The following MARCHF1 variants were observed in gnomAD, a reference collection of about 807,000 sequenced individuals.
MARCHF1 encodes the protein E3 ubiquitin-protein ligase MARCHF1.
A neutral mutation model predicts 54.2 loss-of-function variants in MARCHF1; 40 were observed. That is an observed-to-expected ratio of 0.74 (90% CI 0.57 to 0.96). MARCHF1 has a LOEUF of 0.96. Ranked by LOEUF, MARCHF1 falls within the 40% of genes least tolerant of loss-of-function variation. The pLI is 0.00. For missense variants in MARCHF1, 586 were observed against 656.5 expected (o/e 0.89, Z 1.17); for synonymous variants, 236 against 236.3 (o/e 1.00, Z 0.01).
chr4:163,815,575 C>T (rs1748510930), intron 4 of MARCHF1, among the ~76,000 whole-genome samples: 1 of 152,086 alleles, frequency 6.6e-6, no homozygotes, highest in African/African-American at 2.4e-5. Context: ...AGGATTCCAA[C>T]CCTGATATAC....
chr4:164,331,681 G>A (rs1735437483), intron 1 of MARCHF1, among the ~76,000 whole-genome samples: 1 of 152,068 alleles, frequency 6.6e-6, no homozygotes, highest in South Asian at 2.1e-4. Context: ...ATAGTAGAGT[G>A]TATGTGTATA....
At chr4:164,184,167 G>T (rs1730905611) in intron 1 of MARCHF1, among the ~76,000 whole-genome samples, 1 of 152,134 alleles carries the variant, frequency 6.6e-6, no homozygotes, top group African/African-American at 2.4e-5. Context: ...AAAGTGTAAA[G>T]CTGGTTTGCT....
intron 1 of MARCHF1, among the ~76,000 whole-genome samples, chr4:164,278,180 T>C (rs1421028486): frequency 6.6e-6 from 1 of 152,096 alleles, no homozygotes; most frequent in Admixed American, 6.6e-5. Flanking sequence ...TTTGGTGGCA[T>C]GTGCCTGTAG....
chr4:164,182,074 A>G (rs942816460), intron 1 of MARCHF1, among the ~76,000 whole-genome samples: 1 of 152,112 alleles, frequency 6.6e-6, no homozygotes, highest in African/African-American at 2.4e-5. Flanking sequence ...ACATAAACTA[A>G]TGAATGAAAT....
In MARCHF1 at chr4:163,528,110, C is replaced by G. The variant is rs1366316058; in HGVS notation, c.*638G>C. On this transcript the variant is annotated 3_prime_UTR_variant, in exon 10 of 10. Coordinates refer to ENST00000514618, the MANE Select transcript of MARCHF1 (RefSeq NM_001394959.1). ...CATTTTCTGAAAATCTTTTGCGTGA[C>G]TTAAACAAACGTAATTAATTCCAAA... 1 of 152,434 alleles carries G rather than the reference C, an allele frequency of 6.6e-6. No individual in the cohort carries two copies. Among genetic ancestry groups the G allele is most frequent in the Non-Finnish European group, 1.5e-5 (1 of 67,984 alleles). The allele number at this position is 152,434 out of a possible 1,614,324, so 9.4% of individuals were successfully genotyped here.
chr4:164,140,848 T>A (rs1352921233), intron 1 of MARCHF1, among the ~76,000 whole-genome samples: 2 of 152,104 alleles, frequency 1.3e-5, no homozygotes, highest in Non-Finnish European at 2.9e-5. Flanking sequence ...ATCCACAAAG[T>A]ACATCTCTAA....
intron 5 of MARCHF1, among the ~76,000 whole-genome samples, chr4:163,691,643 C>T (rs369370983): frequency 6.6e-6 from 1 of 152,120 alleles, no homozygotes; most frequent in Non-Finnish European, 1.5e-5. Context: ...ACAATGAGGG[C>T]TCTGTTTCAT....
At chr4:164,122,906 A>G (rs533010847) in intron 1 of MARCHF1, among the ~76,000 whole-genome samples, 3 of 152,144 alleles carry the variant, frequency 2.0e-5, no homozygotes, top group Admixed American at 6.6e-5. Context: ...ACCGTTATTC[A>G]TCAAAGTACT....
In MARCHF1 at chr4:163,933,436, AGT is replaced by A. The variant is rs1751725449; in HGVS notation, c.-39+55063_-39+55064del. Among the ~76,000 whole-genome samples the A allele has an allele frequency of 1.3e-5, 2 of 152,142 alleles. 1 individual carries two copies. The highest frequency in any genetic ancestry group is 4.1e-4 in the South Asian group (2 of 4,822). On this transcript the variant is annotated intron_variant, in intron 3 of 9. Coordinates refer to ENST00000514618, the MANE Select transcript of MARCHF1 (RefSeq NM_001394959.1). Reference sequence around the variant, plus strand: ...TTCCTTGATTTGTCTTGGCCTTCCTAGTGTGTAGTTACTGCTGTAGAAAAGTA... The same window carrying A: ...TTCCTTGATTTGTCTTGGCCTTCCTAGTGTAGTTACTGCTGTAGAAAAGTA...
At chr4:164,064,543 C>A (rs1310101350) in intron 2 of MARCHF1, among the ~76,000 whole-genome samples, 1 of 152,112 alleles carries the variant, frequency 6.6e-6, no homozygotes, top group South Asian at 2.1e-4. Flanking sequence ...GCTTAAGAAG[C>A]TTTTGGGCTT....
intron 4 of MARCHF1, among the ~76,000 whole-genome samples, chr4:163,734,422 A>G (rs998454545): frequency 5.9e-5 from 9 of 152,136 alleles, no homozygotes; most frequent in Non-Finnish European, 1.3e-4. Flanking sequence ...TGGGGAAAAA[A>G]ACTAAATACC....
intron 1 of MARCHF1, among the ~76,000 whole-genome samples, chr4:164,154,208 C>T (rs1297475529): frequency 6.8e-6 from 1 of 147,382 alleles, no homozygotes; most frequent in East Asian, 2.0e-4. Flanking sequence ...TGCCATTTGC[C>T]ATTAGGCCAT....
intron 3 of MARCHF1, among the ~76,000 whole-genome samples, chr4:163,913,205 T>A (rs573388091): frequency 7.9e-5 from 12 of 152,228 alleles, no homozygotes; most frequent in African/African-American, 2.7e-4. Flanking sequence ...AGCCTCGTTA[T>A]GTGTTTGCGT....
intron 5 of MARCHF1, among the ~76,000 whole-genome samples, chr4:163,649,890 T>C (rs1742903672): frequency 6.6e-6 from 1 of 151,930 alleles, no homozygotes; most frequent in Non-Finnish European, 1.5e-5. Context: ...ACCCAGTTCC[T>C]GATTACTAGA....
intron 2 of MARCHF1, among the ~76,000 whole-genome samples, chr4:164,014,914 T>A (rs1439306079): frequency 1.3e-5 from 2 of 151,870 alleles, no homozygotes; most frequent in Non-Finnish European, 2.9e-5. Flanking sequence ...GAGAGAGAGA[T>A]CTCAATACCA....
At chr4:164,109,679 C>T (rs948846013) in intron 2 of MARCHF1, among the ~76,000 whole-genome samples, 2 of 151,496 alleles carry the variant, frequency 1.3e-5, no homozygotes, top group Non-Finnish European at 3.0e-5. Flanking sequence ...GTGACCAAAG[C>T]AAGATAACAT....
At chr4:163,924,104 G>T (rs1351787545) in intron 3 of MARCHF1, among the ~76,000 whole-genome samples, 1 of 152,072 alleles carries the variant, frequency 6.6e-6, no homozygotes, top group Non-Finnish European at 1.5e-5. Flanking sequence ...TGCATGGAGT[G>T]TAGAAAGGTT....
At chr4:164,304,959 T>C (rs1042537599) in intron 1 of MARCHF1, among the ~76,000 whole-genome samples, 2 of 152,216 alleles carry the variant, frequency 1.3e-5, no homozygotes, top group African/African-American at 4.8e-5. Flanking sequence ...TTCAGATATT[T>C]GATGAATCTG....
intron 3 of MARCHF1, among the ~76,000 whole-genome samples, chr4:163,971,498 G>A (rs148782904): frequency 1.3e-3 from 200 of 152,270 alleles, no homozygotes; most frequent in South Asian, 2.5e-3. Flanking sequence ...TGCTAGTCAG[G>A]TTAGTTCTAT....
Sources: allele counts gnomAD v4.1 joint callset (sites outside exome capture counted in the v4.1 genomes callset), GRCh38; gene constraint gnomAD v4.1.1; transcripts MANE v1.5; gene names NCBI Gene and HGNC (gene_info 2026-07-23, HGNC 2026-07-21).